FHOD3: variants seen among roughly 807,000 people sequenced by gnomAD.
The protein encoded by FHOD3 is formin homology 2 domain containing 3.
FHOD3 carries 90 observed loss-of-function variants against 173.0 expected under a neutral mutation model. The observed-to-expected ratio is 0.52, with a 90% confidence interval of 0.44 to 0.62. FHOD3 has a LOEUF of 0.62. Among genes scored for constraint, FHOD3 ranks in the 20% least tolerant of loss-of-function variants. FHOD3 has a pLI of 0.00. For missense variants in FHOD3, 1,945 were observed against 2,034.7 expected (o/e 0.96, Z 0.85); for synonymous variants, 828 against 823.0 (o/e 1.01, Z -0.10).
intron 28 of FHOD3, among the ~76,000 whole-genome samples, chr18:36,772,250 A>G (rs890049607): frequency 1.3e-5 from 2 of 152,246 alleles, no homozygotes; most frequent in African/African-American, 4.8e-5. Context: ...TAATGGCACT[A>G]TCAACAGAAA....
chr18:36,422,368 A>G (rs1044532636), intron 3 of FHOD3, among the ~76,000 whole-genome samples: 1 of 152,172 alleles, frequency 6.6e-6, no homozygotes, highest in South Asian at 2.1e-4. Flanking sequence ...TAGGAATCCT[A>G]TGTAACCTAT....
intron 5 of FHOD3, among the ~76,000 whole-genome samples, chr18:36,535,869 T>G (rs908582317): frequency 6.6e-6 from 1 of 152,198 alleles, no homozygotes; most frequent in Non-Finnish European, 1.5e-5. Context: ...TTTAGGCATT[T>G]TGGTCCAAGA....
rs549995515 is a variant in FHOD3 at position 36,509,730 on chromosome 18, A to C, written c.406-2708A>C. Reference sequence around the variant, plus strand: ...ATTCCGTTGTCTTTTGTATATGTTTAAAGTTCTCTGATTTGAAAACATTAA... The same window carrying C: ...ATTCCGTTGTCTTTTGTATATGTTTCAAGTTCTCTGATTTGAAAACATTAA... On this transcript the variant is annotated intron_variant, in intron 4 of 28. Transcript: ENST00000590592. Among the ~76,000 whole-genome samples the C allele has an allele frequency of 7.2e-5, 11 of 152,308 alleles. No homozygotes were observed. In the South Asian group the frequency reaches 2.3e-3, roughly 32 times the overall value.
At chr18:36,353,829 A>G (rs926510448) in intron 1 of FHOD3, among the ~76,000 whole-genome samples, 1 of 152,144 alleles carries the variant, frequency 6.6e-6, no homozygotes, top group African/African-American at 2.4e-5. Flanking sequence ...ACAGTCCAGG[A>G]TGGGTCAGTG....
chr18:36,396,485 T>G (rs1165097000), intron 3 of FHOD3, among the ~76,000 whole-genome samples: 1 of 152,160 alleles, frequency 6.6e-6, no homozygotes, highest in African/African-American at 2.4e-5. Context: ...GAAGCATTAT[T>G]ATTATTGTGT....
At chr18:36,564,331 G>A (rs17651357) in intron 5 of FHOD3, among the ~76,000 whole-genome samples, 1 of 152,162 alleles carries the variant, frequency 6.6e-6, no homozygotes, top group Non-Finnish European at 1.5e-5. Flanking sequence ...AATTTTTAGA[G>A]GTTCAAAACT....
intron 13 of FHOD3, among the ~76,000 whole-genome samples, chr18:36,657,360 T>C (rs1320639504): frequency 1.3e-5 from 2 of 152,222 alleles, no homozygotes; most frequent in African/African-American, 4.8e-5. Flanking sequence ...TACCTAAATA[T>C]GGTCTGCTAA....
At position 36,652,621 on chromosome 18, in the gene FHOD3, C is replaced by G; in HGVS notation, c.1338C>G (p.Pro446=). 1 of 1,535,226 alleles carries G rather than the reference C, an allele frequency of 6.5e-7. No individual in the cohort carries two copies. Among genetic ancestry groups the G allele is most frequent in the Non-Finnish European group, 8.7e-7 (1 of 1,146,710 alleles). ...GQSPTGRDAA[P]KSSALPAVSN... is the part of the protein sequence containing the mutation. ...GCCCCACTGGAAGGGATGCTGCTCC[C>G]AAGAGCTCTGCCCTCCCTGCTGTCT... is the stretch of plus-strand genomic sequence containing the variant. Residue 446 remains proline (P), a synonymous_variant, in exon 12 of 29, where the codon CCC becomes CCG. Transcript: ENST00000590592.
At chr18:36,710,079 A>C (rs1321233258) in intron 18 of FHOD3, 2 of 152,226 alleles carry the variant, frequency 1.3e-5, no homozygotes, top group African/African-American at 4.8e-5. Flanking sequence ...TATGAATGGT[A>C]ACTTTAGAAT....
chr18:36,714,367 A>G (rs1203796943), intron 18 of FHOD3, among the ~76,000 whole-genome samples: 1 of 152,052 alleles, frequency 6.6e-6, no homozygotes, highest in African/African-American at 2.4e-5. Flanking sequence ...TGAAACTCCC[A>G]TTTCTACTAA....
At chr18:36,579,770 C>G (rs75623555) in intron 6 of FHOD3, among the ~76,000 whole-genome samples, 6,194 of 152,156 alleles carry the variant, frequency 0.041, 326 homozygotes, top group East Asian at 0.15. Flanking sequence ...TTCCCAGCCT[C>G]CAGAACTGTG....
At chr18:36,305,150 C>A (rs987784017) in intron 1 of FHOD3, among the ~76,000 whole-genome samples, 1 of 152,158 alleles carries the variant, frequency 6.6e-6, no homozygotes, top group African/African-American at 2.4e-5. Flanking sequence ...TATCACCAAT[C>A]TGCAAAATAT....
chr18:36,378,378 T>C lies in FHOD3; in HGVS notation c.337+5634T>C, dbSNP rs2047552346. ...GGGTTAATCAGATAAGAACCTCACATCATCTGTTTCCCATTAATCTGTCAC... is the reference window on the plus strand; with the variant it reads ...GGGTTAATCAGATAAGAACCTCACACCATCTGTTTCCCATTAATCTGTCAC... On this transcript the variant is annotated intron_variant, in intron 3 of 28. Coordinates refer to ENST00000590592, the MANE Select transcript of FHOD3 (RefSeq NM_001281740.3). Among the ~76,000 whole-genome samples the C allele has an allele frequency of 5.3e-5, 8 of 152,262 alleles. No homozygotes were observed. In the South Asian group the frequency reaches 1.7e-3, roughly 32 times the overall value.
chr18:36,437,682 T>TTTTTTTTTTTTTTTTTTTTTTTA lies in FHOD3; in HGVS notation c.338-64250_338-64249insTTTTTTTTTTTTTTTTTTTTTTA, dbSNP rs71168224. On this transcript the variant is annotated intron_variant, in intron 3 of 28. Coordinates refer to ENST00000590592, the MANE Select transcript of FHOD3 (RefSeq NM_001281740.3). ...CTTTCTTTCTTTTTTTTTTTTTTTT[T>TTTTTTTTTTTTTTTTTTTTTTTA]AAGACAGAGTCTTGCTCTGTCGCCA... is the stretch of plus-strand genomic sequence containing the variant. Among the ~76,000 whole-genome samples the TTTTTTTTTTTTTTTTTTTTTTTA allele has an allele frequency of 2.3e-5, 3 of 129,618 alleles. 1 individual carries two copies. The highest frequency in any genetic ancestry group is 2.8e-5 in the African/African-American group (1 of 35,874). The allele number at this position is 129,618 out of a possible 152,430, so 85.0% of individuals were successfully genotyped here.
At chr18:36,464,928 C>T (rs1429231301) in intron 3 of FHOD3, among the ~76,000 whole-genome samples, 2 of 152,138 alleles carry the variant, frequency 1.3e-5, no homozygotes, top group East Asian at 1.9e-4. Flanking sequence ...CTATCTTTTT[C>T]TGTGACACAC....
At chr18:36,592,592 G>A (rs138637063) in intron 6 of FHOD3, among the ~76,000 whole-genome samples, 1 of 152,338 alleles carries the variant, frequency 6.6e-6, no homozygotes, top group Non-Finnish European at 1.5e-5. Flanking sequence ...GAAGGAGGGT[G>A]CAGTGTTCAC....
chr18:36,771,893 A>G (rs1243782027), intron 28 of FHOD3, among the ~76,000 whole-genome samples: 3 of 152,238 alleles, frequency 2.0e-5, no homozygotes, highest in Non-Finnish European at 4.4e-5. Context: ...AGCATGGGAC[A>G]TTGGACTGGC....
At chr18:36,501,427 A>G (rs931038992) in intron 3 of FHOD3, among the ~76,000 whole-genome samples, 1 of 152,222 alleles carries the variant, frequency 6.6e-6, no homozygotes, top group African/African-American at 2.4e-5. Context: ...CCCCAGGAAC[A>G]GGAGATGCAG....
intron 4 of FHOD3, among the ~76,000 whole-genome samples, chr18:36,505,906 C>T (rs1469346370): frequency 6.6e-6 from 1 of 152,170 alleles, no homozygotes; most frequent in Non-Finnish European, 1.5e-5. Context: ...TTTTGCTGTG[C>T]TAAGCAAATG....
Sources: allele counts gnomAD v4.1 joint callset (sites outside exome capture counted in the v4.1 genomes callset), GRCh38; gene constraint gnomAD v4.1.1; transcripts MANE v1.5; gene names NCBI Gene and HGNC (gene_info 2026-07-23, HGNC 2026-07-21).